PTPRT: variants seen among roughly 807,000 people sequenced by gnomAD.
The protein encoded by PTPRT is protein tyrosine phosphatase receptor type T.
Under a neutral mutation model 176.8 loss-of-function variants are expected in PTPRT, and 56 were observed. The observed-to-expected ratio is 0.32, with a 90% CI of 0.26 to 0.40. The LOEUF is 0.40. Among genes scored for constraint, PTPRT ranks in the 10% least tolerant of loss-of-function variants. The probability of loss-of-function intolerance (pLI) is 1.00; values close to 1 mark genes in which losing one functional copy is unlikely to be tolerated. For missense variants in PTPRT, 1,540 were observed against 1,908.2 expected, an observed-to-expected ratio of 0.81 and a Z score of 3.60; for synonymous variants, 783 against 739.0, an observed-to-expected ratio of 1.06 and a Z score of -0.96.
At chr20:42,133,446 A>G (rs886187210) in intron 18 of PTPRT, among the ~76,000 whole-genome samples, 5 of 152,226 alleles carry the variant, frequency 3.3e-5, no homozygotes, top group Admixed American at 6.5e-5. Flanking sequence ...TGAAAAGGCT[A>G]CATACTGTAC....
chr20:42,272,522 C>A (rs1458412289), intron 13 of PTPRT, among the ~76,000 whole-genome samples: 1 of 152,120 alleles, frequency 6.6e-6, no homozygotes, highest in Admixed American at 6.5e-5. Context: ...TCCCACTTGG[C>A]CCCCTTCAGC....
chr20:42,622,531 T>C (rs936756294), intron 7 of PTPRT, among the ~76,000 whole-genome samples: 2 of 152,132 alleles, frequency 1.3e-5, no homozygotes, highest in South Asian at 2.1e-4. Context: ...TGAGCCACCG[T>C]GCCCGGCCAG....
chr20:42,273,584 C>T (rs1034515009), intron 13 of PTPRT, among the ~76,000 whole-genome samples: 7 of 152,186 alleles, frequency 4.6e-5, no homozygotes, highest in African/African-American at 1.7e-4. Flanking sequence ...GTACCTTTTC[C>T]TACCTAGAAT....
intron 2 of PTPRT, among the ~76,000 whole-genome samples, chr20:42,796,313 T>C (rs562108713): frequency 6.6e-6 from 1 of 152,360 alleles, no homozygotes; most frequent in South Asian, 2.1e-4. Context: ...GGATACCATA[T>C]TGAACAGTGC....
chr20:42,207,262 G>A (rs1217908265), intron 15 of PTPRT, among the ~76,000 whole-genome samples: 15 of 152,308 alleles, frequency 9.8e-5, no homozygotes, highest in East Asian at 7.7e-4. Flanking sequence ...AACACAGTTC[G>A]TCACCAGCAA....
intron 16 of PTPRT, among the ~76,000 whole-genome samples, chr20:42,179,047 C>T (rs1990409767): frequency 2.0e-5 from 3 of 152,198 alleles, no homozygotes; most frequent in Non-Finnish European, 2.9e-5. Context: ...TGAGGAAGGG[C>T]GTTATATAAG....
At chr20:42,723,746 G>A (rs903111785) in intron 6 of PTPRT, among the ~76,000 whole-genome samples, 2 of 152,222 alleles carry the variant, frequency 1.3e-5, no homozygotes, top group Admixed American at 1.3e-4. Flanking sequence ...ATTCCTTGCA[G>A]AAGGTACCCT....
intron 7 of PTPRT, among the ~76,000 whole-genome samples, chr20:42,664,707 G>A (rs372218470): frequency 6.6e-5 from 10 of 152,206 alleles, no homozygotes; most frequent in South Asian, 6.2e-4. Flanking sequence ...GGGCTCAAGT[G>A]ATCCTTCTGC....
intron 9 of PTPRT, among the ~76,000 whole-genome samples, chr20:42,411,899 T>A (rs1039717777): frequency 2.6e-5 from 4 of 151,810 alleles, no homozygotes; most frequent in Non-Finnish European, 5.9e-5. Context: ...AAGCAGTGCT[T>A]AAACAGATAT....
At chr20:42,313,392 C>T (rs77916953) in intron 12 of PTPRT, among the ~76,000 whole-genome samples, 44,038 of 151,926 alleles carry the variant, frequency 0.29, 6,794 homozygotes, top group Middle Eastern at 0.35. Flanking sequence ...ACACGAGATC[C>T]AAGAACCCTC....
At chr20:43,072,851 A>C (rs1161213560) in intron 1 of PTPRT, among the ~76,000 whole-genome samples, 2 of 152,202 alleles carry the variant, frequency 1.3e-5, no homozygotes, top group Non-Finnish European at 2.9e-5. Flanking sequence ...ATTTGTGTCC[A>C]AGAACTTAAT....
chr20:42,347,906 T>C (rs1173212409), intron 11 of PTPRT, among the ~76,000 whole-genome samples: 2 of 152,210 alleles, frequency 1.3e-5, no homozygotes, highest in African/African-American at 4.8e-5. Context: ...CATGATTTTG[T>C]TTGTTTGTGT....
At chr20:43,024,201 A>G (rs1985820694) in intron 1 of PTPRT, among the ~76,000 whole-genome samples, 2 of 152,224 alleles carry the variant, frequency 1.3e-5, no homozygotes, top group Non-Finnish European at 2.9e-5. Flanking sequence ...TAATGGAGCA[A>G]TACTAGTGCC....
At position 43,087,901 on chromosome 20, in the gene PTPRT, T is replaced by C. The variant is rs143691037; in HGVS notation, c.88+101745A>G. ...CACTGAAGGCTGGGAAGGGGAAGAATGGATGGGAGCGAGATTCATTAAAGG... is the reference window on the plus strand; with the variant it reads ...CACTGAAGGCTGGGAAGGGGAAGAACGGATGGGAGCGAGATTCATTAAAGG... On this transcript the variant is annotated intron_variant, in intron 1 of 30. Coordinates refer to ENST00000373187, the MANE Select transcript of PTPRT (RefSeq NM_007050.6). Among the ~76,000 whole-genome samples the C allele has an allele frequency of 3.2e-3, 485 of 152,082 alleles. 2 individuals are homozygous for C. Among genetic ancestry groups the C allele is most frequent in the African/African-American group, 0.011 (446 of 41,476 alleles).
chr20:42,087,895 ATAG>A (rs1984166821), intron 27 of PTPRT, among the ~76,000 whole-genome samples: 1 of 143,404 alleles, frequency 7.0e-6, no homozygotes, highest in Non-Finnish European at 1.5e-5. Context: ...AAAAAAAAAA[ATAG>A]AAGAAGAAGA....
chr20:42,972,930 A>T (rs190612914), intron 1 of PTPRT, among the ~76,000 whole-genome samples: 11 of 152,210 alleles, frequency 7.2e-5, no homozygotes, highest in Non-Finnish European at 1.3e-4. Flanking sequence ...CAGAAACTGG[A>T]TATTTAATTT....
At chr20:42,805,481 G>A (rs541437500) in intron 2 of PTPRT, among the ~76,000 whole-genome samples, 1 of 152,272 alleles carries the variant, frequency 6.6e-6, no homozygotes, top group Non-Finnish European at 1.5e-5. Flanking sequence ...TATATTGAGT[G>A]CCTGCTCCAC....
intron 2 of PTPRT, among the ~76,000 whole-genome samples, chr20:42,807,343 C>T (rs2016556): frequency 6.6e-6 from 1 of 152,174 alleles, no homozygotes; most frequent in Non-Finnish European, 1.5e-5. Context: ...GTCTCACTTT[C>T]CAGTGTTGCT....
chr20:42,886,080 G>A (rs1023939337), intron 1 of PTPRT, 148 bp from the exon 2 acceptor site: 53 of 381,786 alleles, frequency 1.4e-4, no homozygotes, highest in Non-Finnish European at 1.8e-4. Context: ...TAAAAGATGA[G>A]CAAATTGGAT....
Sources: gnomAD v4.1 joint callset for allele counts (sites outside exome capture counted in the v4.1 genomes callset) on GRCh38, gnomAD v4.1.1 for gene constraint, MANE v1.5 for transcripts, NCBI Gene and HGNC (gene_info 2026-07-23, HGNC 2026-07-21) for gene names.